PCDHGB3: variants seen among roughly 807,000 people sequenced by gnomAD.
PCDHGB3 encodes protocadherin gamma subfamily B, 3, also known as protocadherin gamma-B3.
In PCDHGB3, 40 loss-of-function variants were observed where a neutral mutation model predicts 59.2. That is an observed-to-expected ratio of 0.68 (90% CI 0.52 to 0.88). The LOEUF (loss-of-function observed/expected upper bound fraction) is 0.88, where lower values mean the gene tolerates loss of function less well. Ranked by LOEUF, PCDHGB3 falls within the 40% of genes least tolerant of loss-of-function variation. The pLI, the probability that PCDHGB3 is intolerant of heterozygous loss-of-function variation, is 0.00. For synonymous variants in PCDHGB3, 581 were observed against 503.6 expected, an observed-to-expected ratio of 1.15 and a Z score of -2.06; for missense variants, 1,309 against 1,187.9, an observed-to-expected ratio of 1.10 and a Z score of -1.50.
intron 1 of PCDHGB3, chr5:141,388,489 G>A: frequency 6.2e-7 from 1 of 1,613,844 alleles, no homozygotes; most frequent in Non-Finnish European, 8.5e-7. Context: ...CCTTTGGACA[G>A]AGAAAAGCAG....
chr5:141,455,314 T>G (rs565911988), intron 1 of PCDHGB3, among the ~76,000 whole-genome samples: 15 of 152,208 alleles, frequency 9.9e-5, no homozygotes, highest in African/African-American at 3.4e-4. Flanking sequence ...ATTAGCAATT[T>G]TGTGTGTGTG....
chr5:141,374,456 G>A, intron 1 of PCDHGB3: 2 of 1,613,432 alleles, frequency 1.2e-6, no homozygotes, highest in Non-Finnish European at 1.7e-6. Context: ...GGAAATAGTG[G>A]ACATTAATGA....
chr5:141,407,505 T>TTTTTTTTTTTTTTTTTTTTTTTTTTTTTG (rs1460306566), intron 1 of PCDHGB3, among the ~76,000 whole-genome samples: 2 of 152,144 alleles, frequency 1.3e-5, no homozygotes, highest in Non-Finnish European at 1.5e-5. Context: ...CTGTTTTTCT[T>TTTTTTTTTTTTTTTTTTTTTTTTTTTTTG]AGGCTATGTA....
Position 141,432,236 on chromosome 5 carries a change from G to A in PCDHGB3, c.2415+59427G>A, listed in dbSNP as rs752735346. On this transcript the variant is annotated intron_variant, in intron 1 of 3. Coordinates refer to ENST00000576222, the MANE Select transcript of PCDHGB3 (RefSeq NM_018924.5). This position sits in a 1 kb window ranked among gnomAD's most constrained non-coding sequence, Gnocchi z 6.0. ...CGCCCAGATCACTTATTCCCTGGCT[G>A]AGAACACCATCCAAGGGGCAAGCCT... is the stretch of plus-strand genomic sequence containing the variant. The A allele has an allele frequency of 8.7e-6, 14 of 1,614,130 alleles. No individual in the cohort carries two copies. The African/African-American group carries it at 9.3e-5, about 11-fold the overall frequency.
At chr5:141,404,186 C>G in intron 1 of PCDHGB3, 1 of 1,613,086 alleles carries the variant, frequency 6.2e-7, no homozygotes, top group Non-Finnish European at 8.5e-7. Flanking sequence ...AATTCTTGAC[C>G]GAGAAAAAGC....
At position 141,489,207 on chromosome 5, in the gene PCDHGB3, A is replaced by T; in HGVS notation, c.2416-5600A>T. The T allele has an allele frequency of 6.9e-7, 1 of 1,452,692 alleles. No homozygotes were observed. The highest frequency in any genetic ancestry group is 9.3e-7 in the Non-Finnish European group (1 of 1,073,586). 90.0% of individuals were successfully genotyped at this position (1,452,692 alleles called of 1,614,324 possible). ...GGGTCTACCTTGGAGACAGGACAGC[A>T]CAGACTTACTCTCCACAAAGGGACT... On this transcript the variant is annotated intron_variant, in intron 1 of 3. Transcript: ENST00000576222. The surrounding 1 kb of genome is among the most constrained non-coding windows in gnomAD (Gnocchi z 4.5).
At chr5:141,428,727 A>G (rs1348450181) in intron 1 of PCDHGB3, 1 of 160,588 alleles carries the variant, frequency 6.2e-6, no homozygotes, top group Non-Finnish European at 1.4e-5. Context: ...AAAATCTTAA[A>G]CATATTATAT....
chr5:141,375,213 G>A (rs778646849), intron 1 of PCDHGB3: 9 of 1,613,810 alleles, frequency 5.6e-6, no homozygotes, highest in Non-Finnish European at 7.6e-6. Context: ...CGAGACTCTG[G>A]CCTGAATGGC....
intron 1 of PCDHGB3, among the ~76,000 whole-genome samples, chr5:141,492,762 T>C (rs917580804): frequency 2.6e-5 from 4 of 152,206 alleles, no homozygotes; most frequent in African/African-American, 9.6e-5. Flanking sequence ...GGGCTCCGCG[T>C]TGGGCGAGTG....
chr5:141,388,647 G>A lies in PCDHGB3; in HGVS notation c.2415+15838G>A, dbSNP rs778996768. ...ATACAGGGTGAGCCTTTCAGAAAAC[G>A]TGTACCCGGGGACCACGGTGCTACA... On this transcript the variant is annotated intron_variant, in intron 1 of 3. Coordinates refer to ENST00000576222, the MANE Select transcript of PCDHGB3 (RefSeq NM_018924.5). The A allele has an allele frequency of 6.8e-6, 11 of 1,613,892 alleles. No homozygotes were observed. The Admixed American group carries it at 1.0e-4, about 15-fold the overall frequency.
At position 141,430,831 on chromosome 5, in the gene PCDHGB3, G is replaced by A; in HGVS notation, c.2415+58022G>A. ...TGGGAATCCTCCTGGGGACTCTGTGGGAGACCGGATGCACCCAGATACGCT... is the reference window on the plus strand; with the variant it reads ...TGGGAATCCTCCTGGGGACTCTGTGAGAGACCGGATGCACCCAGATACGCT... On this transcript the variant is annotated intron_variant, in intron 1 of 3. Coordinates refer to ENST00000576222, the MANE Select transcript of PCDHGB3 (RefSeq NM_018924.5). 3 of 1,555,334 alleles carry A rather than the reference G, an allele frequency of 1.9e-6. No individual in the cohort carries two copies. In the South Asian group the frequency reaches 3.8e-5, roughly 19 times the overall value.
rs749504882 is a variant in PCDHGB3, at chr5:141,370,427, AG to A, written c.36del (p.Gln13ArgfsTer13). The part of the protein sequence containing the change: ...GNSSGWRGPA[G>X]QRRMLFLFLL... ...ATAGCTCCGGATGGAGGGGCCCAGC[AG>A]GGCAGAGGCGAATGCTATTTCTCTT... On this transcript the variant is annotated frameshift_variant, in exon 1 of 4. Transcript: ENST00000576222. LOFTEE classifies it high-confidence loss of function. The A allele has an allele frequency of 1.3e-4, 212 of 1,590,086 alleles. No homozygotes were observed. The highest frequency in any genetic ancestry group is 1.7e-4 in the Non-Finnish European group (200 of 1,168,460).
At chr5:141,389,691 T>A in intron 1 of PCDHGB3, 1 of 1,612,564 alleles carries the variant, frequency 6.2e-7, no homozygotes, top group Non-Finnish European at 8.5e-7. Flanking sequence ...CGCCTGGCTG[T>A]CCTACCACGT....
rs70988800 is a variant in PCDHGB3 at position 141,379,889 on chromosome 5, C to CTTTTTTTTTTTTTTTTTTTTTTTT, written c.2415+7087_2415+7110dup. Among the ~76,000 whole-genome samples, 49 of 50,830 alleles carry CTTTTTTTTTTTTTTTTTTTTTTTT rather than the reference C, an allele frequency of 9.6e-4. 5 individuals are homozygous for CTTTTTTTTTTTTTTTTTTTTTTTT. The highest frequency in any genetic ancestry group is 1.6e-3 in the Non-Finnish European group (41 of 25,880). 33.3% of individuals were successfully genotyped at this position (50,830 alleles called of 152,430 possible). ...CTTATTTTATGGTCTGTGAAAGCCT[C>CTTTTTTTTTTTTTTTTTTTTTTTT]TTTTTTTTTTTTTTTTTTTTTTTTT... On this transcript the variant is annotated intron_variant, in intron 1 of 3. Coordinates refer to ENST00000576222, the MANE Select transcript of PCDHGB3 (RefSeq NM_018924.5).
chr5:141,477,857 C>T lies in PCDHGB3; in HGVS notation c.2416-16950C>T. ...AGGTGGGAGCTCGGTGGAGATGCTG[C>T]CTCGAGGTACCTCAGCTGGCCACCT... On this transcript the variant is annotated intron_variant, in intron 1 of 3. Transcript: ENST00000576222. The surrounding 1 kb of genome is among the most constrained non-coding windows in gnomAD (Gnocchi z 4.9). The T allele has an allele frequency of 6.2e-7, 1 of 1,613,574 alleles. No individual in the cohort carries two copies. The highest frequency in any genetic ancestry group is 8.5e-7 in the Non-Finnish European group (1 of 1,179,836).
At chr5:141,464,400 G>GAGATATATATATATCTATATATAT (rs2099082782) in intron 1 of PCDHGB3, among the ~76,000 whole-genome samples, 3 of 151,366 alleles carry the variant, frequency 2.0e-5, no homozygotes, top group African/African-American at 4.9e-5. Context: ...TGAAGAACCT[G>GAGATATATATATATCTATATATAT]AGATATATAT....
In PCDHGB3 at chr5:141,490,211, ACCAGGGACAG is replaced by A. The variant is rs1259297201; in HGVS notation, c.2416-4593_2416-4584del. 1 of 1,614,212 alleles carries A rather than the reference ACCAGGGACAG, an allele frequency of 6.2e-7. No individual in the cohort carries two copies. ...TATGAAATTCATGCAAGAGCCCGTG[ACCAGGGACAG>A]CCTGCCATGGAGGGCCACTGTGTGA... is the stretch of plus-strand genomic sequence containing the variant. On this transcript the variant is annotated intron_variant, in intron 1 of 3. Transcript: ENST00000576222. The surrounding 1 kb of genome is among the most constrained non-coding windows in gnomAD (Gnocchi z 5.4).
intron 1 of PCDHGB3, chr5:141,428,440 G>A (rs890993546): frequency 1.0e-5 from 4 of 393,892 alleles, no homozygotes; most frequent in African/African-American, 8.2e-5. Flanking sequence ...GACTAGACCA[G>A]GGGTTTTTCC....
intron 2 of PCDHGB3, among the ~76,000 whole-genome samples, chr5:141,503,598 C>CA (rs765754054): frequency 0.15 from 9,705 of 65,252 alleles, 922 homozygotes; most frequent in African/African-American, 0.34. Context: ...GACTCCAGCT[C>CA]AAAAAAAAAA....
Sources: gnomAD v4.1 joint callset for allele counts (sites outside exome capture counted in the v4.1 genomes callset) on GRCh38, gnomAD v4.1.1 for gene constraint, Gnocchi (gnomAD v3.1) non-coding constraint, MANE v1.5 for transcripts, NCBI Gene and HGNC (gene_info 2026-07-23, HGNC 2026-07-21) for gene names.